The following DNAJC6 variants were observed in gnomAD, a reference collection of about 807,000 sequenced individuals.
DNAJC6 encodes the protein DnaJ heat shock protein family (Hsp40) member C6, also known as auxilin.
A neutral mutation model predicts 110.0 loss-of-function variants in DNAJC6; 34 were observed. The observed-to-expected ratio is 0.31, with a 90% CI of 0.24 to 0.41. The LOEUF is 0.41. Ranked by LOEUF, DNAJC6 falls within the 10% of genes least tolerant of loss-of-function variation. DNAJC6 has a pLI of 1.00. For synonymous variants in DNAJC6, 406 were observed against 437.2 expected (o/e 0.93, Z 0.89); for missense variants, 1,031 against 1,207.8 (o/e 0.85, Z 2.17).
chr1:65,385,375 A>G (rs1408821091), intron 6 of DNAJC6, among the ~76,000 whole-genome samples: 1 of 152,184 alleles, frequency 6.6e-6, no homozygotes, highest in Non-Finnish European at 1.5e-5. Context: ...ATAAAATTCT[A>G]AAATTTATCC....
chr1:65,350,512 A>G (rs948550450), intron 1 of DNAJC6, among the ~76,000 whole-genome samples: 5 of 151,942 alleles, frequency 3.3e-5, no homozygotes, highest in African/African-American at 1.2e-4. Flanking sequence ...CTGCTCCTTT[A>G]TATCTGTAGT....
intron 4 of DNAJC6, among the ~76,000 whole-genome samples, chr1:65,378,971 T>A (rs10493375): frequency 3.3e-5 from 5 of 152,076 alleles, no homozygotes; most frequent in African/African-American, 9.7e-5. Context: ...CAAGCCTGCC[T>A]TTGGCTCACT....
intron 1 of DNAJC6, among the ~76,000 whole-genome samples, chr1:65,313,436 T>C (rs1645120759): frequency 6.6e-6 from 1 of 152,172 alleles, no homozygotes; most frequent in Non-Finnish European, 1.5e-5. Context: ...CTGAAAACAA[T>C]ATAAAAATAC....
chr1:65,279,149 T>A, intron 1 of DNAJC6: 1 of 985,340 alleles, frequency 1.0e-6, no homozygotes, highest in Non-Finnish European at 1.2e-6. Context: ...TTTAAAGCCA[T>A]TTTTAGTTTG....
rs138750399 is a variant in DNAJC6 at position 65,386,857 on chromosome 1, C to A, written c.1041C>A (p.Ile347=). Residue 347 remains isoleucine, a synonymous_variant, in exon 8 of 19, where the codon ATC becomes ATA. Transcript: ENST00000371069. Reference sequence around the variant, plus strand: ...GAAAAATCTTCATTCCCTTGAACATCACTGTGCAAGGAGACGTGGTTGTTT... The same window carrying A: ...GAAAAATCTTCATTCCCTTGAACATAACTGTGCAAGGAGACGTGGTTGTTT... ...QDGKIFIPLN[I]TVQGDVVVSM... is the part of the protein sequence containing the mutation. The A allele has an allele frequency of 9.0e-5, 146 of 1,614,116 alleles. 1 individual carries two copies. The African/African-American group carries it at 1.6e-3, about 18-fold the overall frequency.
chr1:65,269,691 T>TG (rs1268614691), intron 1 of DNAJC6, among the ~76,000 whole-genome samples: 1 of 152,188 alleles, frequency 6.6e-6, no homozygotes, highest in Non-Finnish European at 1.5e-5. Context: ...GATCTGTAAA[T>TG]GACTGAGTGA....
intron 1 of DNAJC6, among the ~76,000 whole-genome samples, chr1:65,355,916 C>T (rs1445573709): frequency 2.7e-5 from 3 of 110,378 alleles, no homozygotes; most frequent in African/African-American, 1.1e-4. Flanking sequence ...CTGGCCAAGG[C>T]TGCGTGAGTT....
intron 1 of DNAJC6, among the ~76,000 whole-genome samples, chr1:65,336,966 T>C (rs1425898942): frequency 6.6e-6 from 1 of 152,066 alleles, no homozygotes; most frequent in African/African-American, 2.4e-5. Flanking sequence ...TTTTAAAGTT[T>C]CTTCTCTATG....
chr1:65,269,711 G>C (rs540794058), intron 1 of DNAJC6, among the ~76,000 whole-genome samples: 1 of 152,172 alleles, frequency 6.6e-6, no homozygotes, highest in Non-Finnish European at 1.5e-5. Flanking sequence ...ACTTCTCAAA[G>C]CTTCAGGGGT....
intron 1 of DNAJC6, among the ~76,000 whole-genome samples, chr1:65,315,813 A>G (rs912837982): frequency 6.6e-6 from 1 of 152,324 alleles, no homozygotes. Flanking sequence ...AAAATGCCAT[A>G]GAGAAATGCC....
At chr1:65,300,195 A>G (rs752159068) in intron 1 of DNAJC6, among the ~76,000 whole-genome samples, 1 of 152,116 alleles carries the variant, frequency 6.6e-6, no homozygotes. Flanking sequence ...TCTCACCTCT[A>G]AGTAATCTAG....
intron 6 of DNAJC6, 151 bp from the exon 7 acceptor site, chr1:65,385,561 G>A (rs571219446): frequency 1.2e-4 from 73 of 616,440 alleles, no homozygotes; most frequent in South Asian, 3.8e-4. Context: ...ATTATTGATC[G>A]CATTATCTTT....
At chr1:65,340,693 G>A (rs1645380792) in intron 1 of DNAJC6, among the ~76,000 whole-genome samples, 1 of 152,180 alleles carries the variant, frequency 6.6e-6, no homozygotes, top group African/African-American at 2.4e-5. Context: ...TCTATATGAA[G>A]CATTTGGCAG....
chr1:65,364,841 G>A, intron 2 of DNAJC6, 56 bp downstream of exon 2: 2 of 1,592,906 alleles, frequency 1.3e-6, no homozygotes, highest in East Asian at 2.2e-5. Context: ...AAAGGATCTG[G>A]TTACCTGCTG....
chr1:65,343,682 T>A (rs953746622), intron 1 of DNAJC6, among the ~76,000 whole-genome samples: 2 of 151,946 alleles, frequency 1.3e-5, no homozygotes, highest in Non-Finnish European at 2.9e-5. Flanking sequence ...AACTTGGATA[T>A]GCCAGAGAAA....
intron 4 of DNAJC6, among the ~76,000 whole-genome samples, chr1:65,370,750 T>C (rs563006353): frequency 6.6e-6 from 1 of 152,350 alleles, no homozygotes; most frequent in Non-Finnish European, 1.5e-5. Flanking sequence ...CTAGGATTTC[T>C]TTCCCTTTGG....
chr1:65,312,295 T>C (rs1002722884), intron 1 of DNAJC6, among the ~76,000 whole-genome samples: 1 of 152,218 alleles, frequency 6.6e-6, no homozygotes, highest in African/African-American at 2.4e-5. Flanking sequence ...TTGATGCATA[T>C]TTTCAACTGA....
chr1:65,399,121 A>G (rs1281610481), intron 14 of DNAJC6, among the ~76,000 whole-genome samples: 1 of 152,224 alleles, frequency 6.6e-6, no homozygotes. Context: ...TCTTGACAAT[A>G]GAATCAGACG....
chr1:65,311,782 T>C (rs910269597), intron 1 of DNAJC6, among the ~76,000 whole-genome samples: 1 of 152,176 alleles, frequency 6.6e-6, no homozygotes, highest in African/African-American at 2.4e-5. Context: ...GAAATACATA[T>C]GTTTTCCTTT....
Sources: allele counts gnomAD v4.1 joint callset (sites outside exome capture counted in the v4.1 genomes callset), GRCh38; gene constraint gnomAD v4.1.1; transcripts MANE v1.5; gene names NCBI Gene and HGNC (gene_info 2026-07-23, HGNC 2026-07-21).